The following TSPAN19 variants were observed in gnomAD, a reference collection of about 807,000 sequenced individuals.
TSPAN19 encodes the protein tetraspanin 19, also known as tetraspanin-19.
In TSPAN19, 44 loss-of-function variants were observed where a neutral mutation model predicts 35.1. The ratio of observed to expected loss-of-function variants is 1.25; its 90% CI spans 0.98 to 1.61. TSPAN19 has a LOEUF of 1.61. TSPAN19 is among the 40% of genes most tolerant of loss of function. The pLI, the probability that TSPAN19 is intolerant of heterozygous loss-of-function variation, is 0.00. For synonymous variants in TSPAN19, 79 were observed against 92.0 expected, an observed-to-expected ratio of 0.86 and a Z score of 0.81; for missense variants, 290 against 280.0, an observed-to-expected ratio of 1.04 and a Z score of -0.26.
rs917083751 is a variant in TSPAN19, at chr12:85,029,893, A to G, written c.54T>C (p.Asn18=). ...IIIKYFLNLI[N]GAFLVLGLLF... ...TGAAGATTCTTACCAAGAAAGCTCC[A>G]TTAATGAGATTAAGAAAGTACTTAA... The change falls in exon 2 of 9, where the codon AAT becomes AAC. Residue 18 remains asparagine, a synonymous_variant. Coordinates refer to ENST00000532498, the MANE Select transcript of TSPAN19 (RefSeq NM_001100917.2). The G allele has an allele frequency of 6.7e-7, 1 of 1,482,626 alleles. No homozygotes were observed. Among genetic ancestry groups the G allele is most frequent in the Non-Finnish European group, 9.1e-7 (1 of 1,093,826 alleles). The allele number at this position is 1,482,626 out of a possible 1,614,324, so 91.8% of individuals were successfully genotyped here.
intron 8 of TSPAN19, 95 bp downstream of exon 8, chr12:85,015,793 C>T: frequency 2.3e-6 from 2 of 859,858 alleles, no homozygotes; most frequent in Non-Finnish European, 3.5e-6. Context: ...ATTATATGAA[C>T]TTATCTGATT....
chr12:85,031,816 A>G (rs1877699098), intron 1 of TSPAN19, among the ~76,000 whole-genome samples: 1 of 152,046 alleles, frequency 6.6e-6, no homozygotes, highest in Non-Finnish European at 1.5e-5. Flanking sequence ...TTTAGAGTCC[A>G]CCAGCACAGA....
intron 7 of TSPAN19, chr12:85,016,197 A>G: frequency 2.6e-6 from 1 of 378,952 alleles, no homozygotes; most frequent in Non-Finnish European, 4.7e-6. Context: ...TGTAATTAAA[A>G]TCAGAAATTT....
chr12:85,026,635 A>G (rs1877429544), intron 4 of TSPAN19, among the ~76,000 whole-genome samples: 2 of 152,100 alleles, frequency 1.3e-5, no homozygotes, highest in Admixed American at 6.6e-5. Context: ...TGTACCTCCC[A>G]ATTGCTGTGT....
At chr12:85,033,725 G>T (rs992272792) in intron 1 of TSPAN19, among the ~76,000 whole-genome samples, 7 of 152,022 alleles carry the variant, frequency 4.6e-5, no homozygotes, top group Admixed American at 3.9e-4. Flanking sequence ...TTAATAAATG[G>T]CAGAGATGAG....
chr12:85,033,028 A>G (rs1438114686), intron 1 of TSPAN19, among the ~76,000 whole-genome samples: 1 of 152,144 alleles, frequency 6.6e-6, no homozygotes, highest in Non-Finnish European at 1.5e-5. Flanking sequence ...ATGGGAACAC[A>G]CAAATGAACA....
chr12:85,025,612 G>A (rs1424675860), intron 4 of TSPAN19, among the ~76,000 whole-genome samples: 1 of 151,874 alleles, frequency 6.6e-6, no homozygotes, highest in Admixed American at 6.6e-5. Flanking sequence ...TGCAACCTCC[G>A]CCTCCCAGGT....
chr12:85,028,498 TTATA>T (rs1877530367), intron 3 of TSPAN19, among the ~76,000 whole-genome samples: 1 of 152,192 alleles, frequency 6.6e-6, no homozygotes, highest in Non-Finnish European at 1.5e-5. Flanking sequence ...GTGCTAGAGA[TTATA>T]TATATTTATC....
chr12:85,021,533 T>G (rs1877125568), intron 5 of TSPAN19, among the ~76,000 whole-genome samples: 1 of 152,032 alleles, frequency 6.6e-6, no homozygotes, highest in Non-Finnish European at 1.5e-5. Context: ...AAACATTATT[T>G]GGGAGATCCA....
At position 85,022,088 on chromosome 12, in the gene TSPAN19, A is replaced by G. The variant is rs142626652; in HGVS notation, c.339+1238T>C. Among the ~76,000 whole-genome samples, 771 of 152,208 alleles carry G rather than the reference A, an allele frequency of 5.1e-3. 7 individuals are homozygous for G. The highest frequency in any genetic ancestry group is 9.1e-3 in the Non-Finnish European group (616 of 67,984). ...TACATATTGATAGCTCTTATGTGTC[A>G]TATTTATGTTCTATAATGAGGTTGA... On this transcript the variant is annotated intron_variant, in intron 5 of 8. Coordinates refer to ENST00000532498, the MANE Select transcript of TSPAN19 (RefSeq NM_001100917.2).
At position 85,025,403 on chromosome 12, in the gene TSPAN19, T is replaced by C. The variant is rs561257040; in HGVS notation, c.265-2003A>G. Reference sequence around the variant, plus strand: ...GATCTGCCCACCTTGGCCTCCCAAATGGTTGGGATTACAGGCGTGAGCCAC... The same window carrying C: ...GATCTGCCCACCTTGGCCTCCCAAACGGTTGGGATTACAGGCGTGAGCCAC... On this transcript the variant is annotated intron_variant, in intron 4 of 8. Coordinates refer to ENST00000532498, the MANE Select transcript of TSPAN19 (RefSeq NM_001100917.2). Among the ~76,000 whole-genome samples, 1,350 of 151,762 alleles carry C rather than the reference T, an allele frequency of 8.9e-3. 21 individuals carry two copies. The highest frequency in any genetic ancestry group is 0.032 in the African/African-American group (1,305 of 41,372).
intron 1 of TSPAN19, among the ~76,000 whole-genome samples, chr12:85,031,423 GC>G (rs1186190212): frequency 6.6e-6 from 1 of 152,050 alleles, no homozygotes; most frequent in Non-Finnish European, 1.5e-5. Context: ...CAAGGTCTTG[GC>G]CCCTGTCTGT....
intron 5 of TSPAN19, among the ~76,000 whole-genome samples, chr12:85,020,224 T>C (rs1174127061): frequency 6.6e-6 from 1 of 151,740 alleles, no homozygotes; most frequent in Non-Finnish European, 1.5e-5. Flanking sequence ...AAGTTATACT[T>C]GGTCAGACAA....
chr12:85,023,266 A>C, intron 5 of TSPAN19, 60 bp downstream of exon 5: 1 of 1,381,622 alleles, frequency 7.2e-7, no homozygotes, highest in Non-Finnish European at 1.0e-6. Flanking sequence ...ACTCTAAGGT[A>C]TCCAATTTCC....
Position 85,025,454 on chromosome 12 carries a change from T to A in TSPAN19, c.265-2054A>T, listed in dbSNP as rs1190693506. On this transcript the variant is annotated intron_variant, in intron 4 of 8. Coordinates refer to ENST00000532498, the MANE Select transcript of TSPAN19 (RefSeq NM_001100917.2). Reference sequence around the variant, plus strand: ...CACACCCGGCATATGAAACAATTTTTAAAATTACTGGGTATCTTAGATTAG... The same window carrying A: ...CACACCCGGCATATGAAACAATTTTAAAAATTACTGGGTATCTTAGATTAG... Among the ~76,000 whole-genome samples the A allele has an allele frequency of 2.0e-5, 3 of 151,402 alleles. No individual in the cohort carries two copies. The East Asian group carries it at 6.0e-4, about 30-fold the overall frequency.
intron 3 of TSPAN19, among the ~76,000 whole-genome samples, chr12:85,029,422 T>A (rs1877578170): frequency 6.6e-6 from 1 of 152,140 alleles, no homozygotes; most frequent in South Asian, 2.1e-4. Context: ...CAAATATGTA[T>A]CATTTTTGTG....
intron 5 of TSPAN19, 45 bp downstream of exon 5, chr12:85,023,281 A>C (rs1877217046): frequency 6.7e-7 from 1 of 1,495,792 alleles, no homozygotes; most frequent in Non-Finnish European, 9.1e-7. Context: ...ATTTCCTTTA[A>C]ACTTCAAATA....
chr12:85,020,860 T>C (rs1366532677), intron 5 of TSPAN19, among the ~76,000 whole-genome samples: 1 of 152,068 alleles, frequency 6.6e-6, no homozygotes, highest in Non-Finnish European at 1.5e-5. Context: ...TCTTTATTTT[T>C]TGGTTAAGTA....
At chr12:85,021,241 T>C (rs1030234127) in intron 5 of TSPAN19, among the ~76,000 whole-genome samples, 1 of 152,030 alleles carries the variant, frequency 6.6e-6, no homozygotes, top group African/African-American at 2.4e-5. Flanking sequence ...ATATAATCAT[T>C]TGAATACTAG....
Sources: allele counts gnomAD v4.1 joint callset (sites outside exome capture counted in the v4.1 genomes callset), GRCh38; gene constraint gnomAD v4.1.1; transcripts MANE v1.5; gene names NCBI Gene and HGNC (gene_info 2026-07-23, HGNC 2026-07-21).